Variants in TRNP1 observed in about 807,000 individuals in gnomAD.
TRNP1 encodes the protein TMF1 regulated nuclear protein 1, also known as TMF-regulated nuclear protein 1.
In TRNP1, 16 loss-of-function variants were observed where a neutral mutation model predicts 12.2. The observed-to-expected ratio is 1.31, with a 90% CI of 0.89 to 1.99. TRNP1 has a LOEUF of 1.99. Among genes scored for constraint, TRNP1 ranks in the 30% most tolerant of loss-of-function variants. The probability of loss-of-function intolerance (pLI) is 0.00; values close to 1 mark genes in which losing one functional copy is unlikely to be tolerated. For synonymous variants in TRNP1, 139 were observed against 166.2 expected, an observed-to-expected ratio of 0.84 and a Z score of 1.26; for missense variants, 338 against 330.4, an observed-to-expected ratio of 1.02 and a Z score of -0.18.
Position 26,994,398 on chromosome 1 carries a change from C to T in TRNP1, c.612C>T (p.Arg204=). ...CVPWGAGRLR[R]GHGPEPDSPF... is the part of the protein sequence containing the mutation. Reference sequence around the variant, plus strand: ...CCTGGGGTGCCGGGCGACTGCGGCGCGGCCACGGCCCCGAGCCCGACTCGC... The same window carrying T: ...CCTGGGGTGCCGGGCGACTGCGGCGTGGCCACGGCCCCGAGCCCGACTCGC... The change falls in exon 1 of 2, where the codon CGC becomes CGT. Residue 204 remains arginine, a synonymous_variant. Coordinates refer to ENST00000522111, the MANE Select transcript of TRNP1 (RefSeq NM_001013642.3). This position sits in a 1 kb window ranked among gnomAD's most constrained non-coding sequence, Gnocchi z 6.9. 1 of 1,130,210 alleles carries T rather than the reference C, an allele frequency of 8.8e-7. No homozygotes were observed. The highest frequency in any genetic ancestry group is 1.6e-5 in the African/African-American group (1 of 60,644). The allele number at this position is 1,130,210 out of a possible 1,614,324, so 70.0% of individuals were successfully genotyped here.
At position 26,993,973 on chromosome 1, in the gene TRNP1, G is replaced by A. The variant is rs896186623; in HGVS notation, c.187G>A (p.Gly63Ser). The A allele has an allele frequency of 2.3e-5, 30 of 1,320,846 alleles. No homozygotes were observed. The highest frequency in any genetic ancestry group is 2.5e-4 in the Middle Eastern group (1 of 4,000). The allele number at this position is 1,320,846 out of a possible 1,614,324, so 81.8% of individuals were successfully genotyped here. Reference sequence around the variant, plus strand: ...GCCGGACGCAGCTGGGGCTTCAGCAGGCGCGGCCGAGGACCAGGAGCTGCA... The same window carrying A: ...GCCGGACGCAGCTGGGGCTTCAGCAAGCGCGGCCGAGGACCAGGAGCTGCA... Reference protein sequence around the residue: ...PLPDAAGASAGAAEDQELQRW... With the variant: ...PLPDAAGASASAAEDQELQRW... The change falls in exon 1 of 2, where the codon GGC (glycine) becomes AGC (serine). Residue 63 changes from glycine (G) to serine (S), a missense_variant. Physicochemically the swap from Gly to Ser is moderately conservative, Grantham distance 56 (BLOSUM62 0). Coordinates refer to ENST00000522111, the MANE Select transcript of TRNP1 (RefSeq NM_001013642.3).
At position 26,994,657 on chromosome 1, in the gene TRNP1, G is replaced by A; in HGVS notation, c.*142+45G>A. ...TGCGTTCGAGGGTCGGTCATGGCGT[G>A]TGGGGGGCTGGTCCAGGGCCCGGGA... On this transcript the variant is annotated intron_variant, in intron 1 of 1. Coordinates refer to ENST00000522111, the MANE Select transcript of TRNP1 (RefSeq NM_001013642.3). The surrounding 1 kb of genome is among the most constrained non-coding windows in gnomAD (Gnocchi z 6.9). 1 of 294,732 alleles carries A rather than the reference G, an allele frequency of 3.4e-6. No homozygotes were observed. Among genetic ancestry groups the A allele is most frequent in the Non-Finnish European group, 5.5e-6 (1 of 181,750 alleles). 18.3% of individuals were successfully genotyped at this position (294,732 alleles called of 1,614,324 possible).
At position 26,999,904 on chromosome 1, in the gene TRNP1, T is replaced by C. The variant is rs2082563994; in HGVS notation, c.*200T>C. On this transcript the variant is annotated 3_prime_UTR_variant, in exon 2 of 2. Transcript: ENST00000522111. ...GGATCTGGACCTCTGGATTCGGCTT[T>C]CTCCCTGGGCACTGCCTTCAGGAAG... 3.9e-5 allele frequency: 6 copies of C among 152,374 alleles called. No individual in the cohort carries two copies. The Middle Eastern group carries it at 0.01, about 259-fold the overall frequency. The allele number at this position is 152,374 out of a possible 1,614,324, so 9.4% of individuals were successfully genotyped here.
intron 1 of TRNP1, among the ~76,000 whole-genome samples, chr1:26,997,630 G>C (rs547091997): frequency 5.3e-5 from 8 of 152,290 alleles, no homozygotes; most frequent in African/African-American, 1.9e-4. Context: ...CTGAGTACAG[G>C]GATCTTGGGG....
intron 1 of TRNP1, among the ~76,000 whole-genome samples, chr1:26,999,605 G>C (rs1273049535): frequency 3.3e-5 from 5 of 152,102 alleles, no homozygotes; most frequent in Non-Finnish European, 7.4e-5. Context: ...GTGGAGGAGG[G>C]GCAGGCTTTT....
Position 27,000,844 on chromosome 1 carries a change from C to G in TRNP1, c.*1140C>G, listed in dbSNP as rs1387002651. 1 of 152,242 alleles carries G rather than the reference C, an allele frequency of 6.6e-6. No individual in the cohort carries two copies. The highest frequency in any genetic ancestry group is 1.5e-5 in the Non-Finnish European group (1 of 68,062). 9.4% of individuals were successfully genotyped at this position (152,242 alleles called of 1,614,324 possible). A position where few individuals can be genotyped will look rare whatever the true frequency, so the allele number is the denominator to read the frequency against. On this transcript the variant is annotated 3_prime_UTR_variant, in exon 2 of 2. Coordinates refer to ENST00000522111, the MANE Select transcript of TRNP1 (RefSeq NM_001013642.3). ...GACTCACAGCCGCCTGCTCTTACCC[C>G]CCTCCTCAGGAAGTCTTCCTCATTA...
chr1:26,995,714 T>A (rs192455876), intron 1 of TRNP1, among the ~76,000 whole-genome samples: 276 of 152,344 alleles, frequency 1.8e-3, no homozygotes, highest in African/African-American at 6.3e-3. Flanking sequence ...CACTGCAACC[T>A]CCACCTCCCG....
At position 26,994,547 on chromosome 1, in the gene TRNP1, C is replaced by A; in HGVS notation, c.*77C>A. ...CCGACCGACTGATCGCGGACGCCGGCTGGAAGGACTACGGATCCGCAGGAA... is the reference window on the plus strand; with the variant it reads ...CCGACCGACTGATCGCGGACGCCGGATGGAAGGACTACGGATCCGCAGGAA... On this transcript the variant is annotated 3_prime_UTR_variant, in exon 1 of 2. Transcript: ENST00000522111. The surrounding 1 kb of genome is among the most constrained non-coding windows in gnomAD (Gnocchi z 6.9). 1 of 1,021,558 alleles carries A rather than the reference C, an allele frequency of 9.8e-7. No individual in the cohort carries two copies. The highest frequency in any genetic ancestry group is 1.2e-6 in the Non-Finnish European group (1 of 840,200). 63.3% of individuals were successfully genotyped at this position (1,021,558 alleles called of 1,614,324 possible).
At chr1:26,999,424 T>C (rs2124196863) in intron 1 of TRNP1, among the ~76,000 whole-genome samples, 1 of 152,282 alleles carries the variant, frequency 6.6e-6, no homozygotes, top group Middle Eastern at 3.4e-3. Context: ...TGAAAAGTCA[T>C]ACTAAGTACT....
chr1:26,994,595 C>CCCCAA lies in TRNP1; in HGVS notation c.*126_*127insCCAAC. 1.4e-6 allele frequency: 1 copy of CCCCAA among 725,402 alleles called. No individual in the cohort carries two copies. The highest frequency in any genetic ancestry group is 1.7e-6 in the Non-Finnish European group (1 of 578,778). The allele number at this position is 725,402 out of a possible 1,614,324, so 44.9% of individuals were successfully genotyped here. A position where few individuals can be genotyped will look rare whatever the true frequency, so the allele number is the denominator to read the frequency against. ...GAAGAGGCAGTTGGGGGCCAGGGGC[C>CCCCAA]CAGTAGAGGAGGCTGAGGTGCGGTC... On this transcript the variant is annotated 3_prime_UTR_variant, in exon 1 of 2. Transcript: ENST00000522111. This position sits in a 1 kb window ranked among gnomAD's most constrained non-coding sequence, Gnocchi z 6.9.
At chr1:26,998,085 CTT>C (rs1241645642) in intron 1 of TRNP1, among the ~76,000 whole-genome samples, 1 of 152,008 alleles carries the variant, frequency 6.6e-6, no homozygotes, top group African/African-American at 2.4e-5. Context: ...CGGGAACCCT[CTT>C]TGAAAGGGGA....
In TRNP1 at chr1:26,993,709, C is replaced by A. The variant is rs1032054903; in HGVS notation, c.-78C>A. On this transcript the variant is annotated 5_prime_UTR_variant, in exon 1 of 2. Coordinates refer to ENST00000522111, the MANE Select transcript of TRNP1 (RefSeq NM_001013642.3). ...GCGCCTCTGGGGTGGGGGCTGTGGC[C>A]GTGTCTAGCTGTTCGGGTGTGCTGT... The A allele has an allele frequency of 2.5e-5, 31 of 1,222,746 alleles. No individual in the cohort carries two copies. The African/African-American group carries it at 4.9e-4, about 19-fold the overall frequency. 75.7% of individuals were successfully genotyped at this position (1,222,746 alleles called of 1,614,324 possible).
rs563255780 is a variant in TRNP1 at position 27,000,147 on chromosome 1, C to A, written c.*443C>A. 6.6e-6 allele frequency: 1 copy of A among 152,322 alleles called. No individual in the cohort carries two copies. Among genetic ancestry groups the A allele is most frequent in the South Asian group, 2.1e-4 (1 of 4,830 alleles). 9.4% of individuals were successfully genotyped at this position (152,322 alleles called of 1,614,324 possible). The stretch of plus-strand genomic sequence containing the variant: ...TAGCAAGCATTGCCAATGGGAAAGT[C>A]AAAATAATTTATTTTTTTTCCCTTT... On this transcript the variant is annotated 3_prime_UTR_variant, in exon 2 of 2. Coordinates refer to ENST00000522111, the MANE Select transcript of TRNP1 (RefSeq NM_001013642.3).
Position 26,994,154 on chromosome 1 carries a change from T to C in TRNP1, c.368T>C (p.Leu123Pro). ...VEGRRRLVSE[L>P]ESRVLQLHRV... ...GGCCGCCGGCGCCTGGTGTCGGAGC[T>C]GGAGAGCCGCGTGCTGCAGCTGCAC... Residue 123 changes from leucine to proline, a missense_variant, in exon 1 of 2, where the codon CTG (leucine) becomes CCG (proline). Leu to Pro is a moderately conservative substitution (Grantham distance 98). Transcript: ENST00000522111. This position sits in a 1 kb window ranked among gnomAD's most constrained non-coding sequence, Gnocchi z 6.9. 1.6e-6 allele frequency: 2 copies of C among 1,278,614 alleles called. No homozygotes were observed. Among genetic ancestry groups the C allele is most frequent in the Non-Finnish European group, 2.0e-6 (2 of 1,008,822 alleles). 79.2% of individuals were successfully genotyped at this position (1,278,614 alleles called of 1,614,324 possible). A position where few individuals can be genotyped will look rare whatever the true frequency, so the allele number is the denominator to read the frequency against.
chr1:26,994,622 T>C lies in TRNP1; in HGVS notation c.*142+10T>C. On this transcript the variant is annotated intron_variant, in intron 1 of 1. Coordinates refer to ENST00000522111, the MANE Select transcript of TRNP1 (RefSeq NM_001013642.3). The surrounding 1 kb of genome is among the most constrained non-coding windows in gnomAD (Gnocchi z 6.9). ...AGTAGAGGAGGCTGAGGTGCGGTCTTAGCGGCTGGTGCGTTCGAGGGTCGG... is the reference window on the plus strand; with the variant it reads ...AGTAGAGGAGGCTGAGGTGCGGTCTCAGCGGCTGGTGCGTTCGAGGGTCGG... The C allele has an allele frequency of 2.1e-6, 1 of 487,616 alleles. No individual in the cohort carries two copies. Among genetic ancestry groups the C allele is most frequent in the South Asian group, 9.2e-5 (1 of 10,846 alleles). The allele number at this position is 487,616 out of a possible 1,614,324, so 30.2% of individuals were successfully genotyped here. A position where few individuals can be genotyped will look rare whatever the true frequency, so the allele number is the denominator to read the frequency against.
rs904940846 is a variant in TRNP1, at chr1:26,999,911, G to A, written c.*207G>A. 1 of 152,152 alleles carries A rather than the reference G, an allele frequency of 6.6e-6. No individual in the cohort carries two copies. The highest frequency in any genetic ancestry group is 2.4e-5 in the African/African-American group (1 of 41,410). The allele number at this position is 152,152 out of a possible 1,614,324, so 9.4% of individuals were successfully genotyped here. The stretch of plus-strand genomic sequence containing the variant: ...GACCTCTGGATTCGGCTTTCTCCCT[G>A]GGCACTGCCTTCAGGAAGACGTTGA... On this transcript the variant is annotated 3_prime_UTR_variant, in exon 2 of 2. Transcript: ENST00000522111.
intron 1 of TRNP1, among the ~76,000 whole-genome samples, chr1:26,997,442 T>C (rs977533499): frequency 1.3e-5 from 2 of 152,136 alleles, no homozygotes; most frequent in African/African-American, 4.8e-5. Context: ...TAAGGGCTTA[T>C]GTCTCCTGGC....
intron 1 of TRNP1, among the ~76,000 whole-genome samples, chr1:26,997,306 A>G (rs1369739722): frequency 1.7e-5 from 2 of 118,306 alleles, no homozygotes; most frequent in African/African-American, 6.3e-5. Context: ...ACAGAGCAAG[A>G]CTGTGTCTCA....
At chr1:26,995,359 T>C (rs1375126731) in intron 1 of TRNP1, among the ~76,000 whole-genome samples, 1 of 152,162 alleles carries the variant, frequency 6.6e-6, no homozygotes, top group African/African-American at 2.4e-5. Context: ...GCAGGTGTGG[T>C]ATCAGCTTCC....
Sources: gnomAD v4.1 joint callset for allele counts (sites outside exome capture counted in the v4.1 genomes callset) on GRCh38, gnomAD v4.1.1 for gene constraint, Gnocchi (gnomAD v3.1) non-coding constraint, MANE v1.5 for transcripts, NCBI Gene and HGNC (gene_info 2026-07-23, HGNC 2026-07-21) for gene names.